Variants in NTM observed in about 807,000 individuals in gnomAD.
The protein encoded by NTM is neurotrimin, also known as IgLON family member 2.
Under a neutral mutation model 42.1 loss-of-function variants are expected in NTM, and 13 were observed. That is an observed-to-expected ratio of 0.31 (90% CI 0.20 to 0.49). The LOEUF (loss-of-function observed/expected upper bound fraction) is 0.49, where lower values mean the gene tolerates loss of function less well. NTM is among the 20% of genes least tolerant of loss of function. The pLI is 0.99. For missense variants in NTM, 373 were observed against 452.8 expected, an observed-to-expected ratio of 0.82 and a Z score of 1.60; for synonymous variants, 187 against 179.2, an observed-to-expected ratio of 1.04 and a Z score of -0.35.
intron 4 of NTM, among the ~76,000 whole-genome samples, chr11:132,241,020 A>T (rs1424092390): frequency 6.6e-6 from 1 of 152,232 alleles, no homozygotes; most frequent in Non-Finnish European, 1.5e-5. Flanking sequence ...TTTGTTTCAC[A>T]CAAAAAATAT....
chr11:132,270,022 A>G (rs531971809), intron 4 of NTM, among the ~76,000 whole-genome samples: 1 of 152,118 alleles, frequency 6.6e-6, no homozygotes, highest in Non-Finnish European at 1.5e-5. Flanking sequence ...GTCTCTTTAC[A>G]TTTCTTTAGT....
intron 1 of NTM, among the ~76,000 whole-genome samples, chr11:131,728,590 C>G (rs988590979): frequency 6.6e-6 from 1 of 152,166 alleles, no homozygotes; most frequent in Non-Finnish European, 1.5e-5. Context: ...CCCATTTATG[C>G]CAGTGTTCCA....
In NTM at chr11:131,674,154, A is replaced by G. The variant is rs142692147; in HGVS notation, c.83-237410A>G. On this transcript the variant is annotated intron_variant, in intron 1 of 8. Transcript: ENST00000683400. ...GGGGTGCGGGCGCCCTCGCGTGGCCATGAGAAGTAGTGCCACACGCACACG... is the reference window on the plus strand; with the variant it reads ...GGGGTGCGGGCGCCCTCGCGTGGCCGTGAGAAGTAGTGCCACACGCACACG... Among the ~76,000 whole-genome samples the G allele has an allele frequency of 3.6e-3, 542 of 152,376 alleles. 3 individuals carry two copies. The highest frequency in any genetic ancestry group is 0.012 in the African/African-American group (499 of 41,598).
chr11:131,687,749 G>A (rs1592556719), intron 1 of NTM, among the ~76,000 whole-genome samples: 2 of 152,096 alleles, frequency 1.3e-5, no homozygotes, highest in African/African-American at 4.8e-5. Context: ...AGGGACAGGC[G>A]GCCACAGGCG....
At chr11:131,923,072 G>A (rs1380812604) in intron 2 of NTM, among the ~76,000 whole-genome samples, 2 of 148,016 alleles carry the variant, frequency 1.4e-5, no homozygotes, top group Admixed American at 6.8e-5. Flanking sequence ...AAAAAAAAAA[G>A]GCTTTACAGA....
chr11:131,957,394 G>A (rs537751823), intron 2 of NTM, among the ~76,000 whole-genome samples: 10 of 152,330 alleles, frequency 6.6e-5, no homozygotes, highest in African/African-American at 2.4e-4. Context: ...CAGAAAGCCA[G>A]TTCCCCTCCA....
At chr11:131,874,025 AATATAATATATATATAT>A in intron 1 of NTM, among the ~76,000 whole-genome samples, 1 of 75,456 alleles carries the variant, frequency 1.3e-5, no homozygotes, top group African/African-American at 3.7e-5. Context: ...TATATAATAT[AATATAATATATATATAT>A]ATATATATAT....
At chr11:132,315,477 G>A (rs2095404369) in intron 7 of NTM, among the ~76,000 whole-genome samples, 1 of 152,074 alleles carries the variant, frequency 6.6e-6, no homozygotes, top group African/African-American at 2.4e-5. Context: ...GTTGTGTTTT[G>A]GGCAAATTCC....
At chr11:131,763,709 CT>C (rs557522093) in intron 1 of NTM, among the ~76,000 whole-genome samples, 765 of 71,308 alleles carry the variant, frequency 0.011, 4 homozygotes, top group African/African-American at 0.034. Flanking sequence ...ATCTCTCTCT[CT>C]TTTTTTTTTT....
intron 1 of NTM, among the ~76,000 whole-genome samples, chr11:131,552,713 G>A (rs1328549751): frequency 6.6e-6 from 1 of 151,010 alleles, no homozygotes; most frequent in African/African-American, 2.4e-5. Flanking sequence ...AGCAACATAG[G>A]AGGCTGAGGC....
At chr11:131,709,334 G>T (rs1383884457) in intron 1 of NTM, among the ~76,000 whole-genome samples, 1 of 152,166 alleles carries the variant, frequency 6.6e-6, no homozygotes, top group Non-Finnish European at 1.5e-5. Context: ...CCCTGTGGTT[G>T]CACTGGTGTT....
chr11:132,044,747 A>G (rs1196657605), intron 2 of NTM, among the ~76,000 whole-genome samples: 1 of 152,170 alleles, frequency 6.6e-6, no homozygotes, highest in Non-Finnish European at 1.5e-5. Flanking sequence ...GGAAGAGACC[A>G]CAGCGGGATG....
At chr11:131,786,711 C>G (rs2089294467) in intron 1 of NTM, among the ~76,000 whole-genome samples, 1 of 152,162 alleles carries the variant, frequency 6.6e-6, no homozygotes, top group African/African-American at 2.4e-5. Context: ...ATGTTAAAGT[C>G]AAGCTCCAAT....
At chr11:131,452,097 C>T (rs1950531766) in intron 1 of NTM, among the ~76,000 whole-genome samples, 1 of 152,222 alleles carries the variant, frequency 6.6e-6, no homozygotes, top group Admixed American at 6.5e-5. Flanking sequence ...ACCTGGGGCA[C>T]AGCTTCCTCG....
At chr11:131,933,695 C>T (rs2134121939) in intron 2 of NTM, among the ~76,000 whole-genome samples, 1 of 151,910 alleles carries the variant, frequency 6.6e-6, no homozygotes, top group Admixed American at 6.6e-5. Flanking sequence ...TTAACCTATA[C>T]CCAAGCAGAA....
chr11:132,256,992 G>A lies in NTM; in HGVS notation c.526+44845G>A, dbSNP rs370048773. ...TACCCACTGAACCCCATCTGTCACC[G>A]CGCCCCATCACTGTCAGGGCCCTGC... On this transcript the variant is annotated intron_variant, in intron 4 of 8. Transcript: ENST00000683400. Among the ~76,000 whole-genome samples, 244 of 152,206 alleles carry A rather than the reference G, an allele frequency of 1.6e-3. 1 individual carries two copies. The highest frequency in any genetic ancestry group is 5.0e-3 in the African/African-American group (207 of 41,518).
chr11:131,679,251 A>T (rs929128212), intron 1 of NTM, among the ~76,000 whole-genome samples: 1 of 152,220 alleles, frequency 6.6e-6, no homozygotes, highest in Admixed American at 6.5e-5. Context: ...TTGAGTCCAG[A>T]TAGCCTCCAT....
chr11:131,399,418 T>C (rs1486189234), intron 1 of NTM, among the ~76,000 whole-genome samples: 3 of 152,174 alleles, frequency 2.0e-5, no homozygotes, highest in East Asian at 1.9e-4. Context: ...TAGTTTAAAT[T>C]TGCTGACTGC....
At chr11:131,701,004 C>A (rs1308442302) in intron 1 of NTM, among the ~76,000 whole-genome samples, 1 of 152,134 alleles carries the variant, frequency 6.6e-6, no homozygotes, top group Non-Finnish European at 1.5e-5. Flanking sequence ...CCCTAGTTTT[C>A]TTGTGATAAT....
Sources: gnomAD v4.1 joint callset for allele counts (sites outside exome capture counted in the v4.1 genomes callset) on GRCh38, gnomAD v4.1.1 for gene constraint, MANE v1.5 for transcripts, NCBI Gene and HGNC (gene_info 2026-07-23, HGNC 2026-07-21) for gene names.